Variants in C4orf50 observed in about 807,000 individuals in gnomAD.
C4orf50 encodes chromosome 4 open reading frame 50.
In C4orf50, 80 loss-of-function variants were observed where a neutral mutation model predicts 77.2. The ratio of observed to expected loss-of-function variants is 1.04; its 90% CI spans 0.87 to 1.25. The LOEUF (loss-of-function observed/expected upper bound fraction) is 1.25, where lower values mean the gene tolerates loss of function less well. Ranked by LOEUF, C4orf50 falls within the 50% of genes most tolerant of loss-of-function variation. The probability of loss-of-function intolerance (pLI) is 0.00; values close to 1 mark genes in which losing one functional copy is unlikely to be tolerated. For synonymous variants in C4orf50, 532 were observed against 465.3 expected, an observed-to-expected ratio of 1.14 and a Z score of -1.84; for missense variants, 1,257 against 1,152.9, an observed-to-expected ratio of 1.09 and a Z score of -1.31.
intron 7 of C4orf50, among the ~76,000 whole-genome samples, chr4:5,947,758 T>C (rs1004372995): frequency 6.6e-6 from 1 of 152,148 alleles, no homozygotes; most frequent in Non-Finnish European, 1.5e-5. Context: ...GTCCCAGAGA[T>C]GGAAGGAAAC....
chr4:6,007,985 C>A lies in C4orf50; in HGVS notation c.963+11G>T, dbSNP rs1436992277. 7.5e-6 allele frequency: 3 copies of A among 399,008 alleles called. No individual in the cohort carries two copies. The highest frequency in any genetic ancestry group is 1.3e-5 in the Non-Finnish European group (3 of 226,126). 24.7% of individuals were successfully genotyped at this position (399,008 alleles called of 1,614,324 possible). On this transcript the variant is annotated intron_variant, in intron 25 of 33. Transcript: ENST00000531445. The surrounding 1 kb of genome is among the most constrained non-coding windows in gnomAD (Gnocchi z 4.1). ...AAAAGATCATTCCTACCCTGAGTTC[C>A]CGCCACTTACCAGGCTGCAGTGACC...
chr4:5,913,972 G>A (rs1050702665), intron 7 of C4orf50, among the ~76,000 whole-genome samples: 4 of 152,036 alleles, frequency 2.6e-5, no homozygotes, highest in South Asian at 4.1e-4. Flanking sequence ...TCATTACCCC[G>A]GCAGCCCAAA....
At chr4:5,964,625 G>A (rs753168429) in intron 33 of C4orf50, among the ~76,000 whole-genome samples, 4 of 151,866 alleles carry the variant, frequency 2.6e-5, no homozygotes, top group South Asian at 2.1e-4. Flanking sequence ...AAAATTAGCC[G>A]GGCATGGTGG....
intron 32 of C4orf50, among the ~76,000 whole-genome samples, chr4:5,965,662 G>C (rs1479740209): frequency 1.3e-5 from 2 of 152,182 alleles, no homozygotes; most frequent in African/African-American, 4.8e-5. Flanking sequence ...CTCTCCAACT[G>C]TGAGAACAGG....
At chr4:5,951,259 T>G (rs958400854) in intron 7 of C4orf50, among the ~76,000 whole-genome samples, 1 of 152,220 alleles carries the variant, frequency 6.6e-6, no homozygotes, top group Non-Finnish European at 1.5e-5. Context: ...TATCAATCAT[T>G]CACAACTTAG....
chr4:5,938,585 A>AT (rs3836556), intron 7 of C4orf50, among the ~76,000 whole-genome samples: 6 of 151,612 alleles, frequency 4.0e-5, no homozygotes, highest in South Asian at 4.2e-4. Flanking sequence ...TGAACAGGCC[A>AT]TTTTTTTTTC....
At chr4:5,955,131 A>G (rs1324282435), downstream of C4orf50, among the ~76,000 whole-genome samples, 1 of 151,880 alleles carries the variant, frequency 6.6e-6, no homozygotes, top group Non-Finnish European at 1.5e-5. The surrounding 1 kb of genome is among the most constrained non-coding windows in gnomAD (Gnocchi z 5.1). Context: ...ATTTGTTTTC[A>G]TTCTGTTTTT....
Position 5,919,355 on chromosome 4 carries a change from T to C in C4orf50, c.*2475-21167A>G, listed in dbSNP as rs1037337802. Among the ~76,000 whole-genome samples, 2 of 151,806 alleles carry C rather than the reference T, an allele frequency of 1.3e-5. No individual in the cohort carries two copies. The highest frequency in any genetic ancestry group is 3.9e-4 in the East Asian group (2 of 5,150). On this transcript the variant is annotated intron_variant, in intron 7 of 7. Transcript: ENST00000324058. This position sits in a 1 kb window ranked among gnomAD's most constrained non-coding sequence, Gnocchi z 6.5. ...GAACTGGCGTGGAGTGTGTATCACC[T>C]TCCAGGTGACACATTAGATCTTCTT...
chr4:5,944,385 C>G (rs905222846), intron 7 of C4orf50, among the ~76,000 whole-genome samples: 1 of 152,228 alleles, frequency 6.6e-6, no homozygotes, highest in Non-Finnish European at 1.5e-5. Context: ...CTCTGCCCCC[C>G]AGGAGTTCTC....
intron 7 of C4orf50, among the ~76,000 whole-genome samples, chr4:5,925,727 C>G (rs1302967443): frequency 6.6e-6 from 1 of 152,256 alleles, no homozygotes; most frequent in Non-Finnish European, 1.5e-5. Flanking sequence ...GGCCCACAGT[C>G]TGGTAGGCGA....
In C4orf50 at chr4:5,992,049, C is replaced by T. The variant is rs941807165; in HGVS notation, c.1221+754G>A. 6.6e-6 allele frequency among the ~76,000 whole-genome samples: 1 copy of T among 152,172 alleles called. No individual in the cohort carries two copies. Among genetic ancestry groups the T allele is most frequent in the African/African-American group, 2.4e-5 (1 of 41,434 alleles). On this transcript the variant is annotated intron_variant, in intron 27 of 33. Coordinates refer to ENST00000531445, the Ensembl canonical transcript of C4orf50. The surrounding 1 kb of genome is among the most constrained non-coding windows in gnomAD (Gnocchi z 5.0). ...TCCTGGGTGTGACCTTGAGCAAGTT[C>T]CTTAACCTGCTGGAGCCTCAGCCAC...
chr4:5,962,982 T>C (rs1414249403), intron 33 of C4orf50, among the ~76,000 whole-genome samples: 1 of 80,894 alleles, frequency 1.2e-5, no homozygotes. Flanking sequence ...TAAAATATTT[T>C]CTTCTTTTTT....
intron 7 of C4orf50, among the ~76,000 whole-genome samples, chr4:5,941,088 G>A (rs537458594): frequency 2.6e-5 from 4 of 152,148 alleles, no homozygotes; most frequent in Non-Finnish European, 4.4e-5. Flanking sequence ...AAGCCAGTGA[G>A]CTTTAGGGTG....
At position 6,015,744 on chromosome 4, in the gene C4orf50, C is replaced by G. The variant is rs1722660039; in HGVS notation, c.287+2401G>C. Among the ~76,000 whole-genome samples, 1 of 152,172 alleles carries G rather than the reference C, an allele frequency of 6.6e-6. No homozygotes were observed. The highest frequency in any genetic ancestry group is 1.5e-5 in the Non-Finnish European group (1 of 68,028). ...GGGGAAATCCAATTCCTGGTCTTCT[C>G]CAGGTCTAGAGCTGCATTCCTGGGC... is the stretch of plus-strand genomic sequence containing the variant. On this transcript the variant is annotated intron_variant, in intron 23 of 33. Coordinates refer to ENST00000531445, the Ensembl canonical transcript of C4orf50. This position sits in a 1 kb window ranked among gnomAD's most constrained non-coding sequence, Gnocchi z 4.4.
intron 26 of C4orf50, 141 bp downstream of exon 4, chr4:5,994,206 C>T: frequency 2.5e-6 from 1 of 395,104 alleles, no homozygotes; most frequent in South Asian, 1.4e-4. Context: ...CCCTACCTCT[C>T]TGAGCCTCGA....
At chr4:6,010,744 G>T (rs1039552936) in intron 24 of C4orf50, among the ~76,000 whole-genome samples, 2 of 152,222 alleles carry the variant, frequency 1.3e-5, no homozygotes, top group Non-Finnish European at 2.9e-5. Context: ...CAGCTACCGT[G>T]AAGTTTTGTG....
Position 6,018,203 on chromosome 4 carries a change from G to A in C4orf50, c.229C>T (p.Gln77Ter). The A allele has an allele frequency of 2.5e-6, 1 of 398,986 alleles. No individual in the cohort carries two copies. Among genetic ancestry groups the A allele is most frequent in the Non-Finnish European group, 4.4e-6 (1 of 226,078 alleles). The allele number at this position is 398,986 out of a possible 1,614,324, so 24.7% of individuals were successfully genotyped here. Reference sequence around the variant, plus strand: ...TTGTCCTCTGCTGCTGACAGCTTCTGCTCGGAGGACTCCAGCTGCCTCCTG... The same window carrying A: ...TTGTCCTCTGCTGCTGACAGCTTCTACTCGGAGGACTCCAGCTGCCTCCTG... The change falls in exon 23 of 34, where the codon CAG becomes TAG. Residue 77 changes from glutamine to a stop codon, truncating the protein, a stop_gained. Transcript: ENST00000531445. LOFTEE classifies it high-confidence loss of function. This position sits in a 1 kb window ranked among gnomAD's most constrained non-coding sequence, Gnocchi z 5.1.
chr4:5,931,990 C>T (rs555027623), intron 7 of C4orf50, among the ~76,000 whole-genome samples: 1 of 152,270 alleles, frequency 6.6e-6, no homozygotes, highest in African/African-American at 2.4e-5. Flanking sequence ...ATGTCACCAG[C>T]TCAGTATTTA....
At chr4:6,013,852 G>A (rs926520361) in intron 23 of C4orf50, among the ~76,000 whole-genome samples, 1 of 152,126 alleles carries the variant, frequency 6.6e-6, no homozygotes, top group Non-Finnish European at 1.5e-5. Context: ...GACTGATTCC[G>A]ACTTCTGGCC....
Sources: allele counts gnomAD v4.1 joint callset (sites outside exome capture counted in the v4.1 genomes callset), GRCh38; gene constraint gnomAD v4.1.1; non-coding constraint Gnocchi (gnomAD v3.1); transcripts MANE v1.5; gene names NCBI Gene and HGNC (gene_info 2026-07-23, HGNC 2026-07-21).